Variants in ADAM10 observed in about 807,000 individuals in gnomAD.
ADAM10 encodes the protein ADAM metallopeptidase domain 10, also known as disintegrin and metalloproteinase domain-containing protein 10.
Under a neutral mutation model 90.1 loss-of-function variants are expected in ADAM10, and 17 were observed. That is an observed-to-expected ratio of 0.19 (90% confidence interval 0.13 to 0.28). The LOEUF is 0.28. ADAM10 is among the 10% of genes least tolerant of loss of function. ADAM10 has a pLI of 1.00. For synonymous variants in ADAM10, 310 were observed against 298.6 expected, an observed-to-expected ratio of 1.04 and a Z score of -0.40; for missense variants, 610 against 914.3, an observed-to-expected ratio of 0.67 and a Z score of 4.29.
chr15:58,737,507 T>G (rs970517815), intron 1 of ADAM10, among the ~76,000 whole-genome samples: 2 of 152,172 alleles, frequency 1.3e-5, no homozygotes, highest in Non-Finnish European at 2.9e-5. Context: ...TAACTACTAT[T>G]TGACTTTCCT....
intron 2 of ADAM10, among the ~76,000 whole-genome samples, chr15:58,700,876 A>G (rs1898112379): frequency 6.6e-6 from 1 of 151,722 alleles, no homozygotes; most frequent in Non-Finnish European, 1.5e-5. Flanking sequence ...AACAGCCCAG[A>G]GCCCTGTAGT....
intron 5 of ADAM10, among the ~76,000 whole-genome samples, chr15:58,662,823 C>A (rs1897000873): frequency 6.6e-6 from 1 of 152,186 alleles, no homozygotes; most frequent in Non-Finnish European, 1.5e-5. Flanking sequence ...ACAGCTCTCT[C>A]CTCTCAGGTA....
At chr15:58,638,488 G>A (rs554291213) in intron 8 of ADAM10, among the ~76,000 whole-genome samples, 7 of 151,846 alleles carry the variant, frequency 4.6e-5, no homozygotes, top group South Asian at 4.2e-4. Context: ...GGTGGCGGGC[G>A]CCTGTAGACC....
At chr15:58,739,350 C>CAAA (rs1244592805) in intron 1 of ADAM10, among the ~76,000 whole-genome samples, 2 of 100,594 alleles carry the variant, frequency 2.0e-5, no homozygotes, top group African/African-American at 3.6e-5. Context: ...ACCAAAAATA[C>CAAA]AAAAAAAAAA....
At chr15:58,637,429 C>T (rs1896289918) in intron 8 of ADAM10, among the ~76,000 whole-genome samples, 1 of 152,116 alleles carries the variant, frequency 6.6e-6, no homozygotes, top group South Asian at 2.1e-4. Context: ...GAAAAAACAG[C>T]CAGAAGCAAA....
In ADAM10 at chr15:58,592,360, A is replaced by G. The variant is rs190906409; in HGVS notation, c.*5187T>C. The G allele has an allele frequency of 6.6e-6, 1 of 152,314 alleles. No homozygotes were observed. 9.4% of individuals were successfully genotyped at this position (152,314 alleles called of 1,614,324 possible). On this transcript the variant is annotated 3_prime_UTR_variant, in exon 16 of 16. Coordinates refer to ENST00000260408, the MANE Select transcript of ADAM10 (RefSeq NM_001110.4). ...AAAGGTAACTATAATTCTGTCCACT[A>G]CCATCATTAACTCACAGAGTTAAAT...
intron 2 of ADAM10, among the ~76,000 whole-genome samples, chr15:58,693,810 T>C (rs950180144): frequency 7.1e-6 from 1 of 140,042 alleles, no homozygotes; most frequent in African/African-American, 2.7e-5. Context: ...ACATTTGCAA[T>C]ACATATGGTC....
At chr15:58,658,799 G>A (rs1896895175) in intron 5 of ADAM10, among the ~76,000 whole-genome samples, 1 of 151,806 alleles carries the variant, frequency 6.6e-6, no homozygotes, top group Non-Finnish European at 1.5e-5. Context: ...TATAGAATAC[G>A]ACTGATTATA....
intron 5 of ADAM10, among the ~76,000 whole-genome samples, chr15:58,663,026 T>G (rs1300331747): frequency 6.6e-6 from 1 of 152,244 alleles, no homozygotes; most frequent in Non-Finnish European, 1.5e-5. Flanking sequence ...AATCCTGCAA[T>G]GCTTGTTTTC....
intron 2 of ADAM10, 102 bp from the exon 3 acceptor site, chr15:58,682,416 T>C (rs1897466587): frequency 3.4e-6 from 5 of 1,483,004 alleles, no homozygotes; most frequent in Admixed American, 2.3e-5. Context: ...TGGACTGTTA[T>C]GAAATTTGTC....
rs1894981378 is a variant in ADAM10, at chr15:58,597,280, T to A, written c.*267A>T. On this transcript the variant is annotated 3_prime_UTR_variant, in exon 16 of 16. Coordinates refer to ENST00000260408, the MANE Select transcript of ADAM10 (RefSeq NM_001110.4). ...AGAACAGGGAACACGGGGCACATAA[T>A]AATATTCTAAGACTTTGTGCCATTA... 1 of 1,168,292 alleles carries A rather than the reference T, an allele frequency of 8.6e-7. No homozygotes were observed. The highest frequency in any genetic ancestry group is 1.2e-6 in the Non-Finnish European group (1 of 844,852). 72.4% of individuals were successfully genotyped at this position (1,168,292 alleles called of 1,614,324 possible). A position where few individuals can be genotyped will look rare whatever the true frequency, so the allele number is the denominator to read the frequency against.
intron 1 of ADAM10, among the ~76,000 whole-genome samples, chr15:58,746,582 A>G (rs1481502073): frequency 2.6e-5 from 4 of 152,124 alleles, no homozygotes; most frequent in Admixed American, 2.6e-4. Flanking sequence ...GTAATATGTA[A>G]TATGTAAATT....
Position 58,685,160 on chromosome 15 carries a change from T to TA in ADAM10, c.207-2847dup, listed in dbSNP as rs140613738. 4.0e-3 allele frequency among the ~76,000 whole-genome samples: 480 copies of TA among 119,086 alleles called. 4 individuals carry two copies. The highest frequency in any genetic ancestry group is 9.0e-3 in the Middle Eastern group (2 of 222). 78.1% of individuals were successfully genotyped at this position (119,086 alleles called of 152,430 possible). ...TCATAGACCTCTAAGTTATATTAAG[T>TA]AAAAAAAAAAAAAAAAAAAGACCAA... On this transcript the variant is annotated intron_variant, in intron 2 of 15. Transcript: ENST00000260408.
chr15:58,601,610 T>C (rs1303423029), intron 14 of ADAM10, among the ~76,000 whole-genome samples: 1 of 152,116 alleles, frequency 6.6e-6, no homozygotes, highest in African/African-American at 2.4e-5. Flanking sequence ...AACAAGACAA[T>C]CATCAAAATC....
rs1896790865 is a variant in ADAM10, at chr15:58,655,672, ACATACAT to A, written c.585+9418_585+9424del. 2.6e-5 allele frequency among the ~76,000 whole-genome samples: 3 copies of A among 114,136 alleles called. 1 individual carries two copies. The highest frequency in any genetic ancestry group is 1.2e-4 in the African/African-American group (3 of 25,218). 74.9% of individuals were successfully genotyped at this position (114,136 alleles called of 152,430 possible). The stretch of plus-strand genomic sequence containing the variant: ...CCTTTGCATACATACATACATACAT[ACATACAT>A]ATATATATTATATATAGTATATATA... On this transcript the variant is annotated intron_variant, in intron 5 of 15. Coordinates refer to ENST00000260408, the MANE Select transcript of ADAM10 (RefSeq NM_001110.4).
chr15:58,632,372 GA>G (rs1208614404), intron 9 of ADAM10, among the ~76,000 whole-genome samples: 1 of 152,140 alleles, frequency 6.6e-6, no homozygotes, highest in African/African-American at 2.4e-5. Flanking sequence ...CCTTAGCAAA[GA>G]AAAAGAAATA....
At chr15:58,620,339 C>A (rs945519109) in intron 11 of ADAM10, among the ~76,000 whole-genome samples, 1 of 152,134 alleles carries the variant, frequency 6.6e-6, no homozygotes, top group East Asian at 1.9e-4. Flanking sequence ...TGGAGGCACA[C>A]ACCTGTAGTC....
At chr15:58,619,234 A>G (rs904970842) in intron 11 of ADAM10, among the ~76,000 whole-genome samples, 18 of 152,224 alleles carry the variant, frequency 1.2e-4, no homozygotes, top group Admixed American at 3.9e-4. Context: ...CAGACATAGA[A>G]AGACAAACAG....
rs144036939 is a variant in ADAM10 at position 58,689,914 on chromosome 15, G to A, written c.207-7600C>T. ...GAAGAGTACTCAACTCATTTTATGT[G>A]GCTCACTCTGATTCCAAAACCAAAG... On this transcript the variant is annotated intron_variant, in intron 2 of 15. Coordinates refer to ENST00000260408, the MANE Select transcript of ADAM10 (RefSeq NM_001110.4). Among the ~76,000 whole-genome samples the A allele has an allele frequency of 9.0e-3, 1,319 of 146,046 alleles. 21 individuals are homozygous for A. The highest frequency in any genetic ancestry group is 0.032 in the African/African-American group (1,244 of 39,424).
Sources: allele counts gnomAD v4.1 joint callset (sites outside exome capture counted in the v4.1 genomes callset), GRCh38; gene constraint gnomAD v4.1.1; transcripts MANE v1.5; gene names NCBI Gene and HGNC (gene_info 2026-07-23, HGNC 2026-07-21).